Variants in LTBP1 observed in about 807,000 individuals in gnomAD.
LTBP1 encodes the protein latent-transforming growth factor beta-binding protein 1.
Under a neutral mutation model 207.6 loss-of-function variants are expected in LTBP1, and 129 were observed. That is an observed-to-expected ratio of 0.62 (90% CI 0.54 to 0.72). LTBP1 has a LOEUF of 0.72. LTBP1 is among the 30% of genes least tolerant of loss of function. The pLI, the probability that LTBP1 is intolerant of heterozygous loss-of-function variation, is 0.00. For missense variants in LTBP1, 2,281 were observed against 2,217.2 expected, an observed-to-expected ratio of 1.03 and a Z score of -0.58; for synonymous variants, 963 against 833.7, an observed-to-expected ratio of 1.16 and a Z score of -2.67.
At chr2:33,164,753 A>G (rs1472730611) in intron 5 of LTBP1, among the ~76,000 whole-genome samples, 1 of 152,252 alleles carries the variant, frequency 6.6e-6, no homozygotes, top group Non-Finnish European at 1.5e-5. Flanking sequence ...ACTGAGGTTC[A>G]TTCCAACGAT....
intron 5 of LTBP1, among the ~76,000 whole-genome samples, chr2:33,144,148 G>T (rs538954223): frequency 6.6e-6 from 1 of 151,968 alleles, no homozygotes; most frequent in South Asian, 2.1e-4. Flanking sequence ...CTGGAGCTTG[G>T]TGCTCCCTGT....
chr2:33,345,084 G>A (rs189112212), intron 25 of LTBP1, among the ~76,000 whole-genome samples: 86 of 152,278 alleles, frequency 5.6e-4, no homozygotes, highest in African/African-American at 1.8e-3. Flanking sequence ...TATTTACTAA[G>A]CACCTATGAT....
At chr2:33,357,592 C>T (rs558524743) in intron 26 of LTBP1, among the ~76,000 whole-genome samples, 2 of 152,248 alleles carry the variant, frequency 1.3e-5, no homozygotes, top group South Asian at 4.2e-4. Context: ...GAAAAGGCCT[C>T]TGTAAAAGTT....
At chr2:33,070,203 A>G (rs1572485137) in intron 3 of LTBP1, among the ~76,000 whole-genome samples, 1 of 152,350 alleles carries the variant, frequency 6.6e-6, no homozygotes, top group East Asian at 1.9e-4. Context: ...ACAAAAAAAC[A>G]AACTCAGAAA....
intron 26 of LTBP1, among the ~76,000 whole-genome samples, chr2:33,357,302 T>C (rs1171934567): frequency 1.3e-5 from 2 of 152,146 alleles, no homozygotes; most frequent in Non-Finnish European, 2.9e-5. Flanking sequence ...CCAGGGGACA[T>C]GATTGCACTA....
chr2:33,305,974 C>T (rs1490345777), intron 22 of LTBP1, among the ~76,000 whole-genome samples: 3 of 152,140 alleles, frequency 2.0e-5, no homozygotes, highest in African/African-American at 7.2e-5. Flanking sequence ...GACAGTGATT[C>T]ACTGTTCCTG....
chr2:33,050,856 C>G (rs550817456), intron 3 of LTBP1, among the ~76,000 whole-genome samples: 12 of 152,068 alleles, frequency 7.9e-5, no homozygotes, highest in Admixed American at 7.9e-4. Flanking sequence ...GCCTCAGCCT[C>G]CTGAGTAGCT....
At chr2:33,114,120 G>A (rs967222197) in intron 4 of LTBP1, among the ~76,000 whole-genome samples, 1 of 152,234 alleles carries the variant, frequency 6.6e-6, no homozygotes, top group African/African-American at 2.4e-5. Context: ...GGGATTACAG[G>A]TGTGAGCCAC....
intron 3 of LTBP1, among the ~76,000 whole-genome samples, chr2:33,040,401 A>G (rs2076124991): frequency 6.6e-6 from 1 of 152,238 alleles, no homozygotes; most frequent in African/African-American, 2.4e-5. Flanking sequence ...TTCTGCGCAT[A>G]TGTGTACATG....
rs141277292 is a variant in LTBP1, at chr2:33,112,299, C to T, written c.1033+1548C>T. Among the ~76,000 whole-genome samples the T allele has an allele frequency of 1.5e-3, 221 of 152,256 alleles. 2 individuals carry two copies. Among genetic ancestry groups the T allele is most frequent in the African/African-American group, 4.6e-3 (190 of 41,530 alleles). ...CCCACTGTGTGTGTATTTCCACCCTCGTGTGTATATATGTATTTTAAACTC... is the reference window on the plus strand; with the variant it reads ...CCCACTGTGTGTGTATTTCCACCCTTGTGTGTATATATGTATTTTAAACTC... On this transcript the variant is annotated intron_variant, in intron 4 of 33. Transcript: ENST00000404816.
Position 33,134,660 on chromosome 2 carries a change from G to A in LTBP1, c.1034-133G>A. On this transcript the variant is annotated intron_variant, in intron 4 of 33. Transcript: ENST00000404816. The surrounding 1 kb of genome is among the most constrained non-coding windows in gnomAD (Gnocchi z 4.4). ...TTCCCTCTTTCCTTAAACCTGTCGG[G>A]TTGTGGGCTCTCTCTTTTCCCCTCT... The A allele has an allele frequency of 1.3e-6, 2 of 1,571,862 alleles. No homozygotes were observed. Among genetic ancestry groups the A allele is most frequent in the South Asian group, 1.2e-5 (1 of 82,938 alleles).
chr2:33,115,041 C>T (rs755257080), intron 4 of LTBP1, among the ~76,000 whole-genome samples: 2,732 of 74,520 alleles, frequency 0.037, 35 homozygotes, highest in African/African-American at 0.041. Context: ...GATATATACA[C>T]ACACACACAC....
chr2:33,258,187 G>T (rs2092914202), intron 12 of LTBP1, among the ~76,000 whole-genome samples: 1 of 152,176 alleles, frequency 6.6e-6, no homozygotes, highest in Admixed American at 6.5e-5. Flanking sequence ...TCAGGCTGTG[G>T]GGTCATCCCT....
At chr2:33,343,104 C>A in intron 25 of LTBP1, 141 bp downstream of exon 25, 2 of 1,034,406 alleles carry the variant, frequency 1.9e-6, no homozygotes, top group Non-Finnish European at 2.7e-6. Context: ...TGAGGATGTG[C>A]AAAAATATCC....
intron 26 of LTBP1, among the ~76,000 whole-genome samples, chr2:33,348,993 C>G (rs552408115): frequency 1.3e-5 from 2 of 152,198 alleles, no homozygotes; most frequent in East Asian, 3.9e-4. Context: ...AAAAAATTTT[C>G]TAGCAGTATC....
intron 5 of LTBP1, among the ~76,000 whole-genome samples, chr2:33,143,034 T>A (rs1007298983): frequency 2.6e-5 from 4 of 152,158 alleles, no homozygotes; most frequent in African/African-American, 4.8e-5. Flanking sequence ...TGCCCCTTCT[T>A]CCACCCCAAT....
chr2:33,308,259 G>C lies in LTBP1; in HGVS notation c.3482-1175G>C, dbSNP rs115109952. Among the ~76,000 whole-genome samples, 744 of 152,324 alleles carry C rather than the reference G, an allele frequency of 4.9e-3. 7 individuals are homozygous for C. Among genetic ancestry groups the C allele is most frequent in the African/African-American group, 0.017 (712 of 41,562 alleles). Reference sequence around the variant, plus strand: ...GCTCGCATTCATGCGGTGAAGGGGAGCCATTAATTGTCTTTCATTCTCACA... The same window carrying C: ...GCTCGCATTCATGCGGTGAAGGGGACCCATTAATTGTCTTTCATTCTCACA... On this transcript the variant is annotated intron_variant, in intron 22 of 33. Coordinates refer to ENST00000404816, the MANE Select transcript of LTBP1 (RefSeq NM_206943.4).
At chr2:33,020,518 T>A (rs1368826758) in intron 2 of LTBP1, among the ~76,000 whole-genome samples, 1 of 152,152 alleles carries the variant, frequency 6.6e-6, no homozygotes, top group African/African-American at 2.4e-5. Context: ...TGCAGTAAAA[T>A]GGTTAAGAAT....
rs939453371 is a variant in LTBP1, at chr2:32,970,245, C to T, written c.565+21300C>T. 4.6e-5 allele frequency among the ~76,000 whole-genome samples: 7 copies of T among 152,308 alleles called. No homozygotes were observed. In the East Asian group the frequency reaches 5.8e-4, roughly 13 times the overall value. ...TTTACTGTGTTGATAGTTTCCTTTG[C>T]TGTGCAGAAGCTCTTTAGTTTAATT... is the stretch of plus-strand genomic sequence containing the variant. On this transcript the variant is annotated intron_variant, in intron 2 of 33. Transcript: ENST00000404816.
Sources: gnomAD v4.1 joint callset for allele counts (sites outside exome capture counted in the v4.1 genomes callset) on GRCh38, gnomAD v4.1.1 for gene constraint, Gnocchi (gnomAD v3.1) non-coding constraint, MANE v1.5 for transcripts, NCBI Gene and HGNC (gene_info 2026-07-23, HGNC 2026-07-21) for gene names.